Variants in NAV1 observed in about 807,000 individuals in gnomAD.
The protein encoded by NAV1 is pore membrane and/or filament interacting like protein 3.
In NAV1, 18 loss-of-function variants were observed where a neutral mutation model predicts 175.2. The observed-to-expected ratio is 0.10, with a 90% CI of 0.07 to 0.15. NAV1 has a LOEUF of 0.15. Among genes scored for constraint, NAV1 ranks in the 10% least tolerant of loss-of-function variants. The pLI is 1.00. For synonymous variants in NAV1, 897 were observed against 978.7 expected (o/e 0.92, Z 1.56); for missense variants, 1,731 against 2,436.6 (o/e 0.71, Z 6.10).
intron 2 of NAV1, among the ~76,000 whole-genome samples, chr1:201,602,302 A>G (rs1667540531): frequency 6.6e-6 from 1 of 152,160 alleles, no homozygotes; most frequent in African/African-American, 2.4e-5. Flanking sequence ...TTGTTCTTAA[A>G]GTTGCAATTC....
chr1:201,595,063 C>T (rs1667314913), intron 2 of NAV1, among the ~76,000 whole-genome samples: 1 of 152,206 alleles, frequency 6.6e-6, no homozygotes, highest in Admixed American at 6.5e-5. Context: ...GTGGACCTGC[C>T]ACGCCTGAGG....
At chr1:201,549,116 TTTCTTTCTTTCTTTCTTTCTTTCTTTC>T (rs1557992183) in intron 1 of NAV1, among the ~76,000 whole-genome samples, 4 of 150,540 alleles carry the variant, frequency 2.7e-5, no homozygotes, top group Middle Eastern at 3.5e-3. Flanking sequence ...TCTTTCTTTC[TTTCTTTCTTTCTTTCTTTCTTTCTTTC>T]TTCTTTCTCT....
intron 2 of NAV1, among the ~76,000 whole-genome samples, chr1:201,597,452 G>A (rs1274463058): frequency 6.6e-6 from 1 of 152,196 alleles, no homozygotes; most frequent in Non-Finnish European, 1.5e-5. Flanking sequence ...CCTGGTCAAG[G>A]CTCACTGTGC....
chr1:201,819,055 G>C (rs1307929832), intron 29 of NAV1, among the ~76,000 whole-genome samples: 1 of 152,172 alleles, frequency 6.6e-6, no homozygotes, highest in Admixed American at 6.5e-5. Context: ...AGTACATAGA[G>C]GTATTTAGAC....
chr1:201,637,071 A>G (rs972161660), intron 2 of NAV1, among the ~76,000 whole-genome samples: 8 of 152,244 alleles, frequency 5.3e-5, no homozygotes, highest in African/African-American at 1.9e-4. Context: ...ATTCATTGAA[A>G]TATGAGTCCA....
chr1:201,644,269 G>C (rs532683059), upstream of NAV1, among the ~76,000 whole-genome samples: 2 of 152,288 alleles, frequency 1.3e-5, no homozygotes, highest in Admixed American at 6.5e-5. Flanking sequence ...AGTGGGAGGG[G>C]CTCAGGGCTG....
chr1:201,598,710 G>A (rs560479894), intron 2 of NAV1, among the ~76,000 whole-genome samples: 2 of 152,186 alleles, frequency 1.3e-5, no homozygotes, highest in Non-Finnish European at 1.5e-5. Context: ...CCGACTAGAA[G>A]GAGCTGAGCT....
chr1:201,744,010 G>A lies in NAV1; in HGVS notation c.1226+25255G>A, dbSNP rs544345148. ...AGCGATTCTCCTGCCTCAGCCTCCC[G>A]AGTAGCTGGGATTGCAGGCATGCAC... is the stretch of plus-strand genomic sequence containing the variant. On this transcript the variant is annotated intron_variant, in intron 3 of 29. Coordinates refer to ENST00000367296, the Ensembl canonical transcript of NAV1. Among the ~76,000 whole-genome samples the A allele has an allele frequency of 3.9e-5, 6 of 152,184 alleles. No homozygotes were observed. In the East Asian group the frequency reaches 5.8e-4, roughly 15 times the overall value.
exon 1 of NAV1, chr1:201,622,979 C>T: frequency 1.0e-6 from 1 of 986,282 alleles, no homozygotes; most frequent in South Asian, 4.7e-5. Context: ...AGGATTCCTA[C>T]ACCGGGCGCT....
At chr1:201,736,472 A>G (rs1410385297) in intron 3 of NAV1, among the ~76,000 whole-genome samples, 1 of 152,180 alleles carries the variant, frequency 6.6e-6, no homozygotes, top group Non-Finnish European at 1.5e-5. Flanking sequence ...GCCTCCCATA[A>G]ACTATCTTTC....
At chr1:201,589,963 G>C (rs1330812710) in intron 2 of NAV1, among the ~76,000 whole-genome samples, 1 of 152,194 alleles carries the variant, frequency 6.6e-6, no homozygotes, top group South Asian at 2.1e-4. Context: ...CACGATCTCA[G>C]CTCACTGCAA....
At chr1:201,729,422 C>T (rs1466202576) in intron 3 of NAV1, among the ~76,000 whole-genome samples, 2 of 151,810 alleles carry the variant, frequency 1.3e-5, no homozygotes, top group East Asian at 3.9e-4. Context: ...AGGTGGATCA[C>T]TTGAGGTCGG....
In NAV1 at chr1:201,770,484, TC is replaced by T. The variant is rs1428964761; in HGVS notation, c.1227-9936del. ...GGGAATCGTATAGTGTCCTACACTA[TC>T]ACTCTCATCTTAACAACAAGGCTAA... On this transcript the variant is annotated intron_variant, in intron 3 of 29. Coordinates refer to ENST00000367296, the Ensembl canonical transcript of NAV1. Among the ~76,000 whole-genome samples, 171 of 152,314 alleles carry T rather than the reference TC, an allele frequency of 1.1e-3. 2 individuals are homozygous for T. The highest frequency in any genetic ancestry group is 3.9e-3 in the African/African-American group (161 of 41,568).
intron 2 of NAV1, among the ~76,000 whole-genome samples, chr1:201,615,263 CTTTCTT>C (rs1485999533): frequency 4.1e-5 from 6 of 145,022 alleles, no homozygotes; most frequent in Admixed American, 1.4e-4. Flanking sequence ...TTCTTTCTTT[CTTTCTT>C]TTTTTTTTTG....
intron 15 of NAV1, chr1:201,796,977 A>G (rs1677489805): frequency 6.6e-6 from 1 of 152,136 alleles, no homozygotes; most frequent in Non-Finnish European, 1.5e-5. Flanking sequence ...TGAAGAACAA[A>G]AGTTTTCCAT....
intron 3 of NAV1, among the ~76,000 whole-genome samples, chr1:201,757,781 G>A (rs899554123): frequency 5.3e-5 from 8 of 152,182 alleles, no homozygotes; most frequent in East Asian, 1.9e-4. Context: ...TCTTTGACTC[G>A]GAAGACTAAC....
At chr1:201,760,313 A>C (rs528198848) in intron 3 of NAV1, among the ~76,000 whole-genome samples, 1 of 152,246 alleles carries the variant, frequency 6.6e-6, no homozygotes, top group Non-Finnish European at 1.5e-5. Context: ...CCAAAAATAC[A>C]AAAATTAACC....
At chr1:201,785,495 C>T in intron 8 of NAV1, 144 bp downstream of exon 12, 2 of 807,116 alleles carry the variant, frequency 2.5e-6, no homozygotes, top group Admixed American at 2.3e-5. Context: ...CATACAAGTA[C>T]CACCTAGTAC....
At chr1:201,601,470 G>A (rs953370198) in intron 2 of NAV1, among the ~76,000 whole-genome samples, 38 of 152,290 alleles carry the variant, frequency 2.5e-4, no homozygotes, top group Admixed American at 1.2e-3. Flanking sequence ...GTGAGGGAGT[G>A]AGACCTTGTC....
Sources: gnomAD v4.1 joint callset for allele counts (sites outside exome capture counted in the v4.1 genomes callset) on GRCh38, gnomAD v4.1.1 for gene constraint, MANE v1.5 for transcripts, NCBI Gene and HGNC (gene_info 2026-07-23, HGNC 2026-07-21) for gene names.